KIRREL3: variants seen among roughly 807,000 people sequenced by gnomAD.
The protein encoded by KIRREL3 is kin of IRRE-like protein 3.
KIRREL3 carries 36 observed loss-of-function variants against 89.7 expected under a neutral mutation model. That is an observed-to-expected ratio of 0.40 (90% CI 0.31 to 0.53). KIRREL3 has a LOEUF of 0.53. Ranked by LOEUF, KIRREL3 falls within the 20% of genes least tolerant of loss-of-function variation. The probability of loss-of-function intolerance (pLI) is 0.49; values close to 1 mark genes in which losing one functional copy is unlikely to be tolerated. For synonymous variants in KIRREL3, 445 were observed against 441.4 expected (o/e 1.01, Z -0.10); for missense variants, 864 against 1,056.6 (o/e 0.82, Z 2.53).
chr11:126,871,677 T>C (rs1006487105), intron 1 of KIRREL3, among the ~76,000 whole-genome samples: 6 of 152,188 alleles, frequency 3.9e-5, no homozygotes, highest in Non-Finnish European at 8.8e-5. Flanking sequence ...GAAGCAGGAA[T>C]CACCCTTGTG....
intron 1 of KIRREL3, among the ~76,000 whole-genome samples, chr11:126,855,517 T>C (rs7122367): frequency 0.85 from 128,777 of 152,264 alleles, 54,640 homozygotes; most frequent in East Asian, 1. Flanking sequence ...TGGTTCTTTA[T>C]AGCAATGTGA....
chr11:126,876,306 C>A lies in KIRREL3; in HGVS notation c.55+124149G>T, dbSNP rs1310908675. 6.6e-6 allele frequency among the ~76,000 whole-genome samples: 1 copy of A among 152,202 alleles called. No individual in the cohort carries two copies. Among genetic ancestry groups the A allele is most frequent in the African/African-American group, 2.4e-5 (1 of 41,442 alleles). On this transcript the variant is annotated intron_variant, in intron 1 of 16. Coordinates refer to ENST00000525144, the MANE Select transcript of KIRREL3 (RefSeq NM_032531.4). This position sits in a 1 kb window ranked among gnomAD's most constrained non-coding sequence, Gnocchi z 4.1. The stretch of plus-strand genomic sequence containing the variant: ...TGCTGGAGGCAACGATCTCTAGACT[C>A]AGTTTCTCAGCCTGAAGGCACGGAC...
At position 126,579,016 on chromosome 11, in the gene KIRREL3, A is replaced by C. The variant is rs1488816963; in HGVS notation, c.56-16104T>G. 2.6e-5 allele frequency among the ~76,000 whole-genome samples: 4 copies of C among 152,246 alleles called. No individual in the cohort carries two copies. The East Asian group carries it at 7.7e-4, about 29-fold the overall frequency. On this transcript the variant is annotated intron_variant, in intron 1 of 16. Coordinates refer to ENST00000525144, the MANE Select transcript of KIRREL3 (RefSeq NM_032531.4). The surrounding 1 kb of genome is among the most constrained non-coding windows in gnomAD (Gnocchi z 5.3). ...AGACAACTGTTTGAGGCCACACAGC[A>C]ACAGAACCAGACCTCGATCAAACCC...
In KIRREL3 at chr11:126,709,872, G is replaced by C. The variant is rs1455121626; in HGVS notation, c.56-146960C>G. ...ATTGTCCAAGGGAGCTGGAGAGGCT[G>C]AGCACTGGGGCACGAGGGTAGGTAA... On this transcript the variant is annotated intron_variant, in intron 1 of 16. Transcript: ENST00000525144. The surrounding 1 kb of genome is among the most constrained non-coding windows in gnomAD (Gnocchi z 4.0). Among the ~76,000 whole-genome samples the C allele has an allele frequency of 6.6e-6, 1 of 152,230 alleles. No individual in the cohort carries two copies. Among genetic ancestry groups the C allele is most frequent in the Non-Finnish European group, 1.5e-5 (1 of 68,046 alleles).
At chr11:126,572,614 C>T (rs1941019630) in intron 1 of KIRREL3, among the ~76,000 whole-genome samples, 1 of 151,910 alleles carries the variant, frequency 6.6e-6, no homozygotes, top group South Asian at 2.1e-4. Context: ...GAGTCACAGG[C>T]ATCACTGTCA....
chr11:126,589,577 G>A (rs1942040991), intron 1 of KIRREL3, among the ~76,000 whole-genome samples: 2 of 152,224 alleles, frequency 1.3e-5, no homozygotes, highest in Admixed American at 1.3e-4. Flanking sequence ...GAATCTCAGA[G>A]AGGCTGAGTC....
At chr11:126,453,905 G>A (rs994401322) in intron 7 of KIRREL3, among the ~76,000 whole-genome samples, 4 of 152,142 alleles carry the variant, frequency 2.6e-5, no homozygotes, top group African/African-American at 9.7e-5. Flanking sequence ...CTCCTGCTTG[G>A]TATAGGAGGG....
intron 1 of KIRREL3, among the ~76,000 whole-genome samples, chr11:126,950,588 T>C (rs981614894): frequency 1.3e-5 from 2 of 152,216 alleles, no homozygotes; most frequent in Non-Finnish European, 2.9e-5. Context: ...AGGTCCCTAC[T>C]CATGCCTAGT....
rs543992733 is a variant in KIRREL3 at position 126,883,425 on chromosome 11, C to T, written c.55+117030G>A. Among the ~76,000 whole-genome samples, 68 of 152,226 alleles carry T rather than the reference C, an allele frequency of 4.5e-4. No homozygotes were observed. Among genetic ancestry groups the T allele is most frequent in the African/African-American group, 1.4e-3 (60 of 41,552 alleles). Reference sequence around the variant, plus strand: ...CCTCTCTATCTATGTTCCAGGCACACGGGACTTTGCATTACTTCCAAAGGT... The same window carrying T: ...CCTCTCTATCTATGTTCCAGGCACATGGGACTTTGCATTACTTCCAAAGGT... On this transcript the variant is annotated intron_variant, in intron 1 of 16. Transcript: ENST00000525144. The surrounding 1 kb of genome is among the most constrained non-coding windows in gnomAD (Gnocchi z 4.1).
rs191696376 is a variant in KIRREL3 at position 126,673,061 on chromosome 11, A to G, written c.56-110149T>C. ...AGACAGAAATGGTCCCCCAGTGTAG[A>G]GCTGGAGCCAGGAAGCAGGAATACA... On this transcript the variant is annotated intron_variant, in intron 1 of 16. Coordinates refer to ENST00000525144, the MANE Select transcript of KIRREL3 (RefSeq NM_032531.4). 6.6e-5 allele frequency among the ~76,000 whole-genome samples: 10 copies of G among 152,238 alleles called. No individual in the cohort carries two copies. The East Asian group carries it at 1.9e-3, about 29-fold the overall frequency.
rs1166280437 is a variant in KIRREL3 at position 126,715,491 on chromosome 11, G to T, written c.56-152579C>A. The stretch of plus-strand genomic sequence containing the variant: ...GCTCATCACTGTGATCTTAAGGAAA[G>T]AAATGATCAGGGCAAATGGCTCCAA... On this transcript the variant is annotated intron_variant, in intron 1 of 16. Coordinates refer to ENST00000525144, the MANE Select transcript of KIRREL3 (RefSeq NM_032531.4). This position sits in a 1 kb window ranked among gnomAD's most constrained non-coding sequence, Gnocchi z 4.4. Among the ~76,000 whole-genome samples, 1 of 152,166 alleles carries T rather than the reference G, an allele frequency of 6.6e-6. No individual in the cohort carries two copies. The highest frequency in any genetic ancestry group is 1.5e-5 in the Non-Finnish European group (1 of 68,028).
intron 1 of KIRREL3, among the ~76,000 whole-genome samples, chr11:126,806,595 C>T (rs759790111): frequency 1.4e-4 from 21 of 152,154 alleles, no homozygotes; most frequent in Non-Finnish European, 2.4e-4. Flanking sequence ...GGCTGTGTCT[C>T]CAACTCCTAA....
intron 1 of KIRREL3, among the ~76,000 whole-genome samples, chr11:126,799,464 G>A: frequency 6.6e-6 from 1 of 152,026 alleles, no homozygotes; most frequent in African/African-American, 2.4e-5. Flanking sequence ...CTGTGTGCAT[G>A]TGTGTATCTG....
At chr11:126,749,699 A>G (rs1307410104) in intron 1 of KIRREL3, among the ~76,000 whole-genome samples, 1 of 152,160 alleles carries the variant, frequency 6.6e-6, no homozygotes, top group African/African-American at 2.4e-5. Context: ...AAGTCCACCC[A>G]GTCTTTACAG....
At chr11:126,539,279 C>A (rs1938166977) in intron 2 of KIRREL3, among the ~76,000 whole-genome samples, 1 of 152,154 alleles carries the variant, frequency 6.6e-6, no homozygotes, top group Admixed American at 6.5e-5. Flanking sequence ...GTGCACGGAG[C>A]ATGTGTGTGC....
At chr11:126,728,999 C>A (rs1015123224) in intron 1 of KIRREL3, among the ~76,000 whole-genome samples, 1 of 152,192 alleles carries the variant, frequency 6.6e-6, no homozygotes, top group Non-Finnish European at 1.5e-5. Flanking sequence ...CTGAGGAGAC[C>A]TTGAGGAGGA....
chr11:126,997,875 A>C lies in KIRREL3; in HGVS notation c.55+2580T>G, dbSNP rs1405051838. On this transcript the variant is annotated intron_variant, in intron 1 of 16. Coordinates refer to ENST00000525144, the MANE Select transcript of KIRREL3 (RefSeq NM_032531.4). This position sits in a 1 kb window ranked among gnomAD's most constrained non-coding sequence, Gnocchi z 4.3. ...GAGTGCCAGATAAGGCACTAAAAACAACCCTGGACATTTGTTGTCTCTGAG... is the reference window on the plus strand; with the variant it reads ...GAGTGCCAGATAAGGCACTAAAAACCACCCTGGACATTTGTTGTCTCTGAG... Among the ~76,000 whole-genome samples, 4 of 152,168 alleles carry C rather than the reference A, an allele frequency of 2.6e-5. No homozygotes were observed. Among genetic ancestry groups the C allele is most frequent in the Non-Finnish European group, 5.9e-5 (4 of 68,028 alleles).
rs1021327290 is a variant in KIRREL3 at position 126,997,827 on chromosome 11, G to A, written c.55+2628C>T. 4.6e-5 allele frequency among the ~76,000 whole-genome samples: 7 copies of A among 152,108 alleles called. No individual in the cohort carries two copies. The highest frequency in any genetic ancestry group is 1.7e-4 in the African/African-American group (7 of 41,424). ...CAGATTCCCACTGTGAGATGTGTTG[G>A]ACAGCAGATGGCCATGTCATCGGAG... On this transcript the variant is annotated intron_variant, in intron 1 of 16. Transcript: ENST00000525144. This position sits in a 1 kb window ranked among gnomAD's most constrained non-coding sequence, Gnocchi z 4.3.
In KIRREL3 at chr11:126,568,398, G is replaced by A. The variant is rs1256452342; in HGVS notation, c.56-5486C>T. 1.3e-5 allele frequency among the ~76,000 whole-genome samples: 2 copies of A among 152,246 alleles called. No homozygotes were observed. The highest frequency in any genetic ancestry group is 2.9e-5 in the Non-Finnish European group (2 of 68,048). ...CTGCTGCTTCTTCCTGCTCTCTGAAGATGGCCAGAGATCAGAAAGCAAGGG... is the reference window on the plus strand; with the variant it reads ...CTGCTGCTTCTTCCTGCTCTCTGAAAATGGCCAGAGATCAGAAAGCAAGGG... On this transcript the variant is annotated intron_variant, in intron 1 of 16. Coordinates refer to ENST00000525144, the MANE Select transcript of KIRREL3 (RefSeq NM_032531.4). The surrounding 1 kb of genome is among the most constrained non-coding windows in gnomAD (Gnocchi z 4.6).
Sources: gnomAD v4.1 joint callset for allele counts (sites outside exome capture counted in the v4.1 genomes callset) on GRCh38, gnomAD v4.1.1 for gene constraint, Gnocchi (gnomAD v3.1) non-coding constraint, MANE v1.5 for transcripts, NCBI Gene and HGNC (gene_info 2026-07-23, HGNC 2026-07-21) for gene names.